The following DIS3L2 variants were observed in gnomAD, a reference collection of about 807,000 sequenced individuals.
DIS3L2 encodes DIS3-like exonuclease 2.
A neutral mutation model predicts 97.5 loss-of-function variants in DIS3L2; 34 were observed. The observed-to-expected ratio is 0.35, with a 90% CI of 0.27 to 0.46. The LOEUF (loss-of-function observed/expected upper bound fraction) is 0.46. Ranked by LOEUF, DIS3L2 falls within the 20% of genes least tolerant of loss-of-function variation. The probability of loss-of-function intolerance (pLI) is 1.00; values close to 1 mark genes in which losing one functional copy is unlikely to be tolerated. For synonymous variants in DIS3L2, 435 were observed against 445.2 expected, an observed-to-expected ratio of 0.98 and a Z score of 0.29; for missense variants, 1,038 against 1,146.0, an observed-to-expected ratio of 0.91 and a Z score of 1.36.
chr2:232,086,590 T>C (rs1417444282), intron 5 of DIS3L2, among the ~76,000 whole-genome samples: 3 of 126,068 alleles, frequency 2.4e-5, no homozygotes, highest in Non-Finnish European at 4.9e-5. Context: ...CCTTTAAATA[T>C]ATATATATAT....
At chr2:232,301,754 A>G (rs1434038051) in intron 14 of DIS3L2, among the ~76,000 whole-genome samples, 2 of 151,890 alleles carry the variant, frequency 1.3e-5, no homozygotes, top group East Asian at 3.9e-4. Context: ...CTGTCCTTTA[A>G]GTTTATGTCT....
intron 14 of DIS3L2, chr2:232,328,838 T>G (rs1695649268): frequency 2.0e-5 from 3 of 152,108 alleles, no homozygotes. Flanking sequence ...CCAGCTCTTG[T>G]GCACATGTGT....
In DIS3L2 at chr2:232,115,975, C is replaced by G. The variant is rs1217768396; in HGVS notation, c.602-14644C>G. On this transcript the variant is annotated intron_variant, in intron 6 of 20. Coordinates refer to ENST00000325385, the MANE Select transcript of DIS3L2 (RefSeq NM_152383.5). ...TGGCTTGAGGTCAGGAGCACAAGAC[C>G]AGCCTGGCCAACATGACAAAACCCT... 3.3e-5 allele frequency among the ~76,000 whole-genome samples: 5 copies of G among 152,048 alleles called. 1 individual carries two copies. The highest frequency in any genetic ancestry group is 3.3e-4 in the Admixed American group (5 of 15,254).
At chr2:231,990,511 C>T (rs771973997) in intron 1 of DIS3L2, among the ~76,000 whole-genome samples, 16 of 152,010 alleles carry the variant, frequency 1.1e-4, no homozygotes, top group Non-Finnish European at 1.8e-4. Context: ...TAATAAAATG[C>T]GGGAAAGAAA....
chr2:232,295,860 T>G (rs1057323154), intron 13 of DIS3L2, among the ~76,000 whole-genome samples: 2 of 152,262 alleles, frequency 1.3e-5, no homozygotes, highest in Non-Finnish European at 2.9e-5. Flanking sequence ...GATTTAACGC[T>G]GCTGACTATG....
chr2:232,244,839 G>A (rs1448834605), intron 11 of DIS3L2, among the ~76,000 whole-genome samples: 1 of 152,148 alleles, frequency 6.6e-6, no homozygotes, highest in African/African-American at 2.4e-5. Context: ...AACAAAGAGA[G>A]GTGAAAGGCC....
intron 1 of DIS3L2, among the ~76,000 whole-genome samples, chr2:232,011,883 TCAGG>T (rs1450724100): frequency 7.6e-6 from 1 of 131,198 alleles, no homozygotes; most frequent in Non-Finnish European, 1.6e-5. Flanking sequence ...ACTCCTGAGC[TCAGG>T]CAGTCTGCCC....
chr2:232,343,869 C>T (rs1359489961), exon 14 of DIS3L2: 2 of 322,098 alleles, frequency 6.2e-6, no homozygotes, highest in East Asian at 1.2e-4. Flanking sequence ...ATGGAGCTTT[C>T]TGAGGATATT....
rs577873494 is a variant in DIS3L2 at position 232,239,400 on chromosome 2, C to T, written c.1317+755C>T. On this transcript the variant is annotated intron_variant, in intron 11 of 20. Coordinates refer to ENST00000325385, the MANE Select transcript of DIS3L2 (RefSeq NM_152383.5). ...TCAGAGAAAGGGGTTAATAAGAGAC[C>T]AAGCATGAGTAAGTTCTGCCCTCCA... Among the ~76,000 whole-genome samples the T allele has an allele frequency of 7.9e-5, 12 of 152,296 alleles. No individual in the cohort carries two copies. The East Asian group carries it at 1.5e-3, about 20-fold the overall frequency.
At chr2:232,027,513 TA>T (rs1272025264) in intron 4 of DIS3L2, among the ~76,000 whole-genome samples, 3 of 152,220 alleles carry the variant, frequency 2.0e-5, no homozygotes, top group Non-Finnish European at 2.9e-5. Flanking sequence ...GCTCACATTC[TA>T]AAGTTTTTAG....
At chr2:232,290,245 T>A (rs1207197714) in intron 13 of DIS3L2, among the ~76,000 whole-genome samples, 7 of 152,256 alleles carry the variant, frequency 4.6e-5, no homozygotes, top group Non-Finnish European at 1.0e-4. Context: ...GCAGACTTGC[T>A]CATCATGCTT....
intron 3 of DIS3L2, among the ~76,000 whole-genome samples, chr2:232,020,917 T>C (rs1358938606): frequency 1.3e-5 from 2 of 152,122 alleles, no homozygotes. Context: ...GGAGCGTCTG[T>C]TATTCAGGTT....
At chr2:232,000,510 AT>A (rs1379942912) in intron 1 of DIS3L2, among the ~76,000 whole-genome samples, 2 of 151,962 alleles carry the variant, frequency 1.3e-5, no homozygotes, top group Non-Finnish European at 2.9e-5. Flanking sequence ...ATCATGTGGT[AT>A]TTATTTGTCT....
At chr2:232,050,652 G>A (rs1695376187) in intron 5 of DIS3L2, among the ~76,000 whole-genome samples, 1 of 152,124 alleles carries the variant, frequency 6.6e-6, no homozygotes, top group African/African-American at 2.4e-5. Flanking sequence ...AGATCTTTAT[G>A]TAGTTTCCTA....
chr2:232,092,205 G>C (rs1175492318), intron 6 of DIS3L2, among the ~76,000 whole-genome samples: 1 of 151,970 alleles, frequency 6.6e-6, no homozygotes, highest in Non-Finnish European at 1.5e-5. Flanking sequence ...AGTTCACTGT[G>C]GATGTATGGA....
chr2:232,196,386 A>C (rs1691756418), intron 9 of DIS3L2, among the ~76,000 whole-genome samples: 1 of 152,250 alleles, frequency 6.6e-6, no homozygotes, highest in East Asian at 1.9e-4. Context: ...TCTAGTAAAT[A>C]ATCTCAATAT....
intron 9 of DIS3L2, among the ~76,000 whole-genome samples, chr2:232,209,656 T>A (rs1692132112): frequency 6.6e-6 from 1 of 152,088 alleles, no homozygotes. Flanking sequence ...TCTTTAGGTG[T>A]TTACATGGTG....
chr2:232,114,323 A>G (rs1042309996), intron 6 of DIS3L2, among the ~76,000 whole-genome samples: 2 of 151,916 alleles, frequency 1.3e-5, no homozygotes, highest in African/African-American at 4.8e-5. Flanking sequence ...ACTAGAATTG[A>G]CATGGTTCCA....
chr2:232,296,515 C>T (rs1310156403), intron 13 of DIS3L2, among the ~76,000 whole-genome samples: 1 of 152,150 alleles, frequency 6.6e-6, no homozygotes, highest in East Asian at 1.9e-4. Context: ...GGGAGGGACC[C>T]AGTGGGAAGT....
Sources: gnomAD v4.1 joint callset for allele counts (sites outside exome capture counted in the v4.1 genomes callset) on GRCh38, gnomAD v4.1.1 for gene constraint, MANE v1.5 for transcripts, NCBI Gene and HGNC (gene_info 2026-07-23, HGNC 2026-07-21) for gene names.